ABCC1: variants seen among roughly 807,000 people sequenced by gnomAD.
ABCC1 encodes the protein multidrug resistance-associated protein 1.
A neutral mutation model predicts 172.9 loss-of-function variants in ABCC1; 83 were observed. The ratio of observed to expected loss-of-function variants is 0.48; its 90% CI spans 0.40 to 0.58. ABCC1 has a LOEUF of 0.58. ABCC1 is among the 20% of genes least tolerant of loss of function. The pLI is 0.00. For synonymous variants in ABCC1, 937 were observed against 825.2 expected, an observed-to-expected ratio of 1.14 and a Z score of -2.32; for missense variants, 1,817 against 2,002.7, an observed-to-expected ratio of 0.91 and a Z score of 1.77.
chr16:16,138,273 T>A, intron 29 of ABCC1, 91 bp from the exon 30 acceptor site: 2 of 1,253,002 alleles, frequency 1.6e-6, no homozygotes, highest in South Asian at 3.0e-5. Flanking sequence ...ACATAGAGTG[T>A]CTCCTTTCGC....
intron 3 of ABCC1, among the ~76,000 whole-genome samples, 196 bp from the exon 4 acceptor site, chr16:16,014,295 A>C (rs4148336): frequency 0.25 from 37,581 of 152,032 alleles, 6,180 homozygotes; most frequent in African/African-American, 0.46. Flanking sequence ...AAAATACAAA[A>C]ATTAGCTAGG....
At chr16:16,100,920 G>A (rs1409588828) in intron 19 of ABCC1, among the ~76,000 whole-genome samples, 3 of 152,174 alleles carry the variant, frequency 2.0e-5, no homozygotes, top group African/African-American at 4.8e-5. Context: ...AGCTCTAATC[G>A]AGACTCATAG....
chr16:15,999,787 CT>C (rs2047191665), intron 1 of ABCC1, among the ~76,000 whole-genome samples: 1 of 28,724 alleles, frequency 3.5e-5, no homozygotes. Context: ...CTCTCTCTCT[CT>C]CTCTCTCTCT....
At chr16:16,127,684 G>C (rs2045494878) in intron 26 of ABCC1, among the ~76,000 whole-genome samples, 1 of 152,148 alleles carries the variant, frequency 6.6e-6, no homozygotes, top group Non-Finnish European at 1.5e-5. Context: ...CCTGAGGAGA[G>C]ATGCCCCTTG....
chr16:16,138,473 A>G lies in ABCC1; in HGVS notation c.4402A>G (p.Ile1468Val). ...AAVDLETDDLIQSTIRTQFED... is the reference protein window; with the variant it reads ...AAVDLETDDLVQSTIRTQFED... ...CGTGGACCTGGAAACGGACGACCTC[A>G]TCCAGTCCACCATCCGGACACAGTT... Residue 1468 changes from isoleucine to valine, a missense_variant, in exon 30 of 31, where the codon ATC becomes GTC. Physicochemically the swap from Ile to Val is conservative, Grantham distance 29. Around this residue, in one of 3 missense-constraint regions of ABCC1, gnomAD observed 1,412 missense variants for 1,600.3 expected, o/e 0.88. Transcript: ENST00000399410. The G allele has an allele frequency of 6.2e-7, 1 of 1,613,404 alleles. No homozygotes were observed. The highest frequency in any genetic ancestry group is 8.5e-7 in the Non-Finnish European group (1 of 1,179,524).
intron 5 of ABCC1, among the ~76,000 whole-genome samples, chr16:16,018,748 T>A (rs1193736338): frequency 2.0e-5 from 3 of 151,834 alleles, no homozygotes; most frequent in Non-Finnish European, 4.4e-5. Context: ...TGCGTGTATG[T>A]GCTTATATGT....
At chr16:16,034,933 G>T (rs959551605) in intron 6 of ABCC1, among the ~76,000 whole-genome samples, 2 of 152,132 alleles carry the variant, frequency 1.3e-5, no homozygotes, top group African/African-American at 2.4e-5. Context: ...GTTTGCATGT[G>T]TGTGTGTGTT....
At chr16:16,116,052 G>A (rs1347786424) in intron 23 of ABCC1, among the ~76,000 whole-genome samples, 1 of 151,872 alleles carries the variant, frequency 6.6e-6, no homozygotes, top group Non-Finnish European at 1.5e-5. Flanking sequence ...ACAGGCGCCC[G>A]CCACTACGCC....
intron 7 of ABCC1, among the ~76,000 whole-genome samples, chr16:16,041,716 C>T (rs2048984870): frequency 6.6e-6 from 1 of 152,114 alleles, no homozygotes. Context: ...GCTCGGGGAT[C>T]AGGTGATGGA....
chr16:16,010,893 G>T (rs1315144722), intron 3 of ABCC1, among the ~76,000 whole-genome samples: 1 of 152,142 alleles, frequency 6.6e-6, no homozygotes, highest in African/African-American at 2.4e-5. Context: ...CAGCTTCTGA[G>T]CCCTGAACAG....
chr16:16,085,421 C>T (rs1467538646), intron 17 of ABCC1, among the ~76,000 whole-genome samples: 1 of 152,220 alleles, frequency 6.6e-6, no homozygotes, highest in Non-Finnish European at 1.5e-5. Flanking sequence ...GGGGCTCTGT[C>T]GGCTTTCTTA....
At chr16:16,080,373 A>T (rs1596471325) in intron 16 of ABCC1, among the ~76,000 whole-genome samples, 1 of 152,344 alleles carries the variant, frequency 6.6e-6, no homozygotes, top group East Asian at 1.9e-4. Context: ...ATATGGAGCT[A>T]AAAGAAGACT....
chr16:16,130,575 A>G (rs72777635), intron 26 of ABCC1, among the ~76,000 whole-genome samples: 3,438 of 152,294 alleles, frequency 0.023, 65 homozygotes, highest in Middle Eastern at 0.044. Flanking sequence ...TGTGCATAAC[A>G]TGGCACACTG....
chr16:16,023,074 T>C (rs186363044), intron 5 of ABCC1, among the ~76,000 whole-genome samples: 1 of 152,204 alleles, frequency 6.6e-6, no homozygotes, highest in East Asian at 1.9e-4. Flanking sequence ...CTACTGTGTT[T>C]GGCTAATTTT....
At chr16:15,981,868 TA>T (rs2046627704) in intron 1 of ABCC1, among the ~76,000 whole-genome samples, 1 of 152,122 alleles carries the variant, frequency 6.6e-6, no homozygotes. Context: ...TGCTTCCTCT[TA>T]AACACTTTGT....
At chr16:15,968,067 C>G (rs536971068) in intron 1 of ABCC1, among the ~76,000 whole-genome samples, 5 of 152,252 alleles carry the variant, frequency 3.3e-5, no homozygotes, top group East Asian at 3.9e-4. Flanking sequence ...GAGTCTTGCT[C>G]CATTGCCCAG....
chr16:16,063,395 A>G (rs1329422623), intron 12 of ABCC1, among the ~76,000 whole-genome samples: 2 of 152,338 alleles, frequency 1.3e-5, no homozygotes, highest in South Asian at 4.1e-4. Context: ...GGTGTGAGCT[A>G]CCATGCCCAG....
rs1033053826 is a variant in ABCC1 at position 16,056,634 on chromosome 16, A to G, written c.1677+339A>G. On this transcript the variant is annotated intron_variant, in intron 12 of 30. Coordinates refer to ENST00000399410, the MANE Select transcript of ABCC1 (RefSeq NM_004996.4). ...GAGTGGGCCAAGATCACGCCAGTGC[A>G]CTCCAGCCTGGGCGACAGAGCAAGA... is the stretch of plus-strand genomic sequence containing the variant. 77 of 320,312 alleles carry G rather than the reference A, an allele frequency of 2.4e-4. 4 individuals carry two copies. Among genetic ancestry groups the G allele is most frequent in the Middle Eastern group, 1.0e-3 (1 of 980 alleles). 19.8% of individuals were successfully genotyped at this position (320,312 alleles called of 1,614,324 possible).
chr16:16,041,614 A>G (rs899351899), intron 7 of ABCC1, among the ~76,000 whole-genome samples: 1 of 152,160 alleles, frequency 6.6e-6, no homozygotes, highest in Non-Finnish European at 1.5e-5. Flanking sequence ...CTAGGCTGGA[A>G]TTTCCTGGTG....
Sources: allele counts gnomAD v4.1 joint callset (sites outside exome capture counted in the v4.1 genomes callset), GRCh38; gene constraint gnomAD v4.1.1; regional missense constraint gnomAD v4.1.1; transcripts MANE v1.5; gene names NCBI Gene and HGNC (gene_info 2026-07-23, HGNC 2026-07-21).